TTLL7: variants seen among roughly 807,000 people sequenced by gnomAD.
TTLL7 encodes tubulin polyglutamylase TTLL7.
TTLL7 carries 53 observed loss-of-function variants against 120.2 expected under a neutral mutation model. The observed-to-expected ratio is 0.44, with a 90% CI of 0.35 to 0.55. The LOEUF is 0.55. TTLL7 is among the 20% of genes least tolerant of loss of function. The pLI is 0.00. For missense variants in TTLL7, 803 were observed against 1,054.7 expected (o/e 0.76, Z 3.31); for synonymous variants, 353 against 351.7 (o/e 1.00, Z -0.04).
At chr1:83,919,670 T>A in intron 13 of TTLL7, 29 bp downstream of exon 13, 6 of 1,575,196 alleles carry the variant, frequency 3.8e-6, no homozygotes, top group Non-Finnish European at 5.2e-6. Flanking sequence ...TTTATTCTTT[T>A]TTCTCTATAT....
At chr1:83,924,056 T>C (rs921242370) in intron 10 of TTLL7, among the ~76,000 whole-genome samples, 1 of 152,128 alleles carries the variant, frequency 6.6e-6, no homozygotes, top group Non-Finnish European at 1.5e-5. Flanking sequence ...CCCCATACCA[T>C]TGTCTTCCAA....
chr1:83,982,840 G>T (rs1287383314), intron 1 of TTLL7, among the ~76,000 whole-genome samples: 1 of 152,076 alleles, frequency 6.6e-6, no homozygotes, highest in East Asian at 1.9e-4. Context: ...AGCCCTGATA[G>T]CCCAAACAAT....
chr1:83,972,473 T>C (rs1651081840), intron 1 of TTLL7, among the ~76,000 whole-genome samples: 1 of 152,120 alleles, frequency 6.6e-6, no homozygotes, highest in South Asian at 2.1e-4. Flanking sequence ...TATTCCGTTG[T>C]CTGGATATAT....
intron 18 of TTLL7, among the ~76,000 whole-genome samples, chr1:83,892,680 GAACATATATA>G: frequency 3.5e-5 from 5 of 144,630 alleles, no homozygotes; most frequent in African/African-American, 5.2e-5. Flanking sequence ...ATGAACATAT[GAACATATATA>G]TGAACATATA....
In TTLL7 at chr1:83,942,510, C is replaced by T; in HGVS notation, c.676G>A (p.Val226Met). 3.1e-6 allele frequency: 5 copies of T among 1,614,024 alleles called. No homozygotes were observed. Among genetic ancestry groups the T allele is most frequent in the Non-Finnish European group, 4.2e-6 (5 of 1,179,942 alleles). ...ATGTACTTCTCTGTACCCATTCGCACAAGCCCATCATGGTAGAGAAATATT... is the reference window on the plus strand; with the variant it reads ...ATGTACTTCTCTGTACCCATTCGCATAAGCCCATCATGGTAGAGAAATATT... ...LKIFLYHDGL[V>M]RMGTEKYIPP... Residue 226 changes from valine (V) to methionine (M), a missense_variant, in exon 7 of 21, where the codon GTG becomes ATG. Coordinates refer to ENST00000260505, the MANE Select transcript of TTLL7 (RefSeq NM_024686.6).
rs549184456 is a variant in TTLL7, at chr1:83,888,169, C to T, written c.2369+2152G>A. ...AGAGCCACAGCATTGATTTCACTAA[C>T]AGATTTTCTCATTGCTCTCCATGGT... On this transcript the variant is annotated intron_variant, in intron 19 of 20. Coordinates refer to ENST00000260505, the MANE Select transcript of TTLL7 (RefSeq NM_024686.6). 3.3e-5 allele frequency among the ~76,000 whole-genome samples: 5 copies of T among 152,116 alleles called. No individual in the cohort carries two copies. In the South Asian group the frequency reaches 1.0e-3, roughly 32 times the overall value.
chr1:83,965,608 G>GT (rs950030549), intron 1 of TTLL7, among the ~76,000 whole-genome samples: 3 of 151,952 alleles, frequency 2.0e-5, no homozygotes, highest in African/African-American at 7.3e-5. Context: ...CTACAGTATT[G>GT]TTTTTTGCCT....
rs759701425 is a variant in TTLL7 at position 83,921,321 on chromosome 1, T to C, written c.1216A>G (p.Ile406Val). 9 of 1,612,910 alleles carry C rather than the reference T, an allele frequency of 5.6e-6. No homozygotes were observed. Among genetic ancestry groups the C allele is most frequent in the East Asian group, 2.2e-5 (1 of 44,858 alleles). The change falls in exon 11 of 21, where the codon ATT becomes GTT. Residue 406 changes from isoleucine to valine, a missense_variant. This residue lies in a region of TTLL7 where 324 missense variants were observed against 507.7 expected (regional missense o/e 0.64). Coordinates refer to ENST00000260505, the MANE Select transcript of TTLL7 (RefSeq NM_024686.6). ...AQRRLYGQNS[I>V]KRLLPGSSDW... Reference sequence around the variant, plus strand: ...GAGGAGCCTGGTAAGAGCCTTTTAATTGAATTTTGACCATAGAGCCTCCTT... The same window carrying C: ...GAGGAGCCTGGTAAGAGCCTTTTAACTGAATTTTGACCATAGAGCCTCCTT...
chr1:83,973,018 C>G (rs901535612), intron 1 of TTLL7, among the ~76,000 whole-genome samples: 1 of 151,840 alleles, frequency 6.6e-6, no homozygotes, highest in Non-Finnish European at 1.5e-5. Flanking sequence ...CAGTATATGA[C>G]CTGTCTTCTC....
At chr1:83,968,875 A>C (rs1013821637) in intron 1 of TTLL7, among the ~76,000 whole-genome samples, 1 of 152,068 alleles carries the variant, frequency 6.6e-6, no homozygotes, top group African/African-American at 2.4e-5. Context: ...AATAAATTCC[A>C]TGTTCTCAGA....
At chr1:83,954,817 C>G (rs1375630054) in intron 1 of TTLL7, among the ~76,000 whole-genome samples, 1 of 142,118 alleles carries the variant, frequency 7.0e-6, no homozygotes, top group Non-Finnish European at 1.5e-5. Flanking sequence ...TTAAAAAGAC[C>G]AAATAGGTAA....
intron 1 of TTLL7, among the ~76,000 whole-genome samples, chr1:83,974,572 A>G (rs924710478): frequency 1.3e-5 from 2 of 152,002 alleles, no homozygotes; most frequent in Non-Finnish European, 2.9e-5. Flanking sequence ...AACATAAGGT[A>G]TTGTCTTCAT....
At chr1:83,897,171 T>G (rs1656294433) in intron 18 of TTLL7, among the ~76,000 whole-genome samples, 1 of 152,034 alleles carries the variant, frequency 6.6e-6, no homozygotes, top group Non-Finnish European at 1.5e-5. Context: ...ATTCTAATCT[T>G]GGAGCTTTAC....
intron 7 of TTLL7, among the ~76,000 whole-genome samples, chr1:83,940,692 C>T (rs185697987): frequency 3.9e-5 from 6 of 152,198 alleles, no homozygotes; most frequent in African/African-American, 1.2e-4. Context: ...TTGGTCCAGA[C>T]CCACTGCTAC....
At chr1:83,957,661 G>A (rs1649646945) in intron 1 of TTLL7, among the ~76,000 whole-genome samples, 1 of 152,086 alleles carries the variant, frequency 6.6e-6, no homozygotes. Context: ...GAAGAAGTAT[G>A]GGAAGGAAAC....
intron 1 of TTLL7, among the ~76,000 whole-genome samples, chr1:83,978,014 T>C (rs1026204800): frequency 6.6e-6 from 1 of 152,156 alleles, no homozygotes; most frequent in African/African-American, 2.4e-5. Context: ...TTTAGTCCAT[T>C]AGGTTTTTTT....
At chr1:83,895,937 T>C (rs1364937936) in intron 18 of TTLL7, among the ~76,000 whole-genome samples, 4 of 152,062 alleles carry the variant, frequency 2.6e-5, no homozygotes, top group Admixed American at 2.0e-4. Flanking sequence ...GAGTAAGGAA[T>C]AGTTTGTTTA....
intron 4 of TTLL7, chr1:83,949,656 A>C (rs1557714382): frequency 2.0e-6 from 1 of 509,922 alleles, no homozygotes; most frequent in Non-Finnish European, 3.4e-6. Flanking sequence ...ATTCTTCCCT[A>C]AAGATAGAAA....
At position 83,907,535 on chromosome 1, in the gene TTLL7, G is replaced by T; in HGVS notation, c.1913C>A (p.Ser638Ter). Residue 638 changes from serine (S) to a stop codon, truncating the protein, a stop_gained, in exon 16 of 21, where the codon TCA becomes TAA. Coordinates refer to ENST00000260505, the MANE Select transcript of TTLL7 (RefSeq NM_024686.6). LOFTEE classifies it high-confidence loss of function. ...SVSRPTSASR[S>*]HSLNRASSYM... ...GGAGGAAGCACGGTTTAAGGAATGT[G>T]ACCGAGATGCAGAAGTTGGCCGTGA... 6.2e-7 allele frequency: 1 copy of T among 1,613,300 alleles called. No individual in the cohort carries two copies. The highest frequency in any genetic ancestry group is 1.1e-5 in the South Asian group (1 of 91,016).
Sources: gnomAD v4.1 joint callset for allele counts (sites outside exome capture counted in the v4.1 genomes callset) on GRCh38, gnomAD v4.1.1 for gene constraint, gnomAD v4.1.1 regional missense constraint, MANE v1.5 for transcripts, NCBI Gene and HGNC (gene_info 2026-07-23, HGNC 2026-07-21) for gene names.